ARHGAP15: variants seen among roughly 807,000 people sequenced by gnomAD.
ARHGAP15 encodes the protein rho GTPase-activating protein 15.
In ARHGAP15, 51 loss-of-function variants were observed where a neutral mutation model predicts 63.7. The ratio of observed to expected loss-of-function variants is 0.80; its 90% CI spans 0.64 to 1.01. The LOEUF (loss-of-function observed/expected upper bound fraction) is 1.01, where lower values mean the gene tolerates loss of function less well. Among genes scored for constraint, ARHGAP15 ranks in the 50% least tolerant of loss-of-function variants. ARHGAP15 has a pLI of 0.00. For missense variants in ARHGAP15, 560 were observed against 564.6 expected (o/e 0.99, Z 0.08); for synonymous variants, 191 against 193.8 (o/e 0.99, Z 0.12).
intron 2 of ARHGAP15, among the ~76,000 whole-genome samples, chr2:143,185,080 T>A (rs1311091994): frequency 6.6e-6 from 1 of 152,132 alleles, no homozygotes; most frequent in African/African-American, 2.4e-5. Flanking sequence ...TTCCTCTATA[T>A]AATATAGTGC....
At chr2:143,287,366 C>T (rs1031073626) in intron 6 of ARHGAP15, among the ~76,000 whole-genome samples, 1 of 152,028 alleles carries the variant, frequency 6.6e-6, no homozygotes, top group Non-Finnish European at 1.5e-5. Context: ...GTCTTCTGCT[C>T]GGTTTCACTG....
chr2:143,452,586 G>T (rs1422230072), intron 8 of ARHGAP15, among the ~76,000 whole-genome samples: 1 of 151,608 alleles, frequency 6.6e-6, no homozygotes, highest in Non-Finnish European at 1.5e-5. Context: ...GTATGTAAAA[G>T]ATGCATGTGT....
chr2:143,572,882 G>A (rs911599610), intron 11 of ARHGAP15, among the ~76,000 whole-genome samples: 12 of 151,934 alleles, frequency 7.9e-5, no homozygotes, highest in African/African-American at 2.9e-4. Context: ...GCCATATTGA[G>A]AACCATGCAA....
At chr2:143,466,078 G>T (rs1458363821) in intron 8 of ARHGAP15, among the ~76,000 whole-genome samples, 5 of 151,188 alleles carry the variant, frequency 3.3e-5, no homozygotes, top group African/African-American at 9.7e-5. Flanking sequence ...TTTCTTTGTA[G>T]TTTGCCTTTG....
intron 6 of ARHGAP15, among the ~76,000 whole-genome samples, chr2:143,425,379 T>C (rs1689097952): frequency 6.6e-6 from 1 of 151,972 alleles, no homozygotes; most frequent in Non-Finnish European, 1.5e-5. Flanking sequence ...TGTACACATG[T>C]ACTATATTAC....
At chr2:143,530,634 C>T (rs1694485119) in intron 10 of ARHGAP15, among the ~76,000 whole-genome samples, 1 of 151,666 alleles carries the variant, frequency 6.6e-6, no homozygotes, top group Non-Finnish European at 1.5e-5. Flanking sequence ...CCTAGGTAAT[C>T]TTTCACCATC....
At chr2:143,645,907 A>G (rs540702352) in intron 12 of ARHGAP15, among the ~76,000 whole-genome samples, 2 of 152,240 alleles carry the variant, frequency 1.3e-5, no homozygotes, top group East Asian at 3.9e-4. Flanking sequence ...TCAAGATGGC[A>G]TTATTCCCAT....
At chr2:143,280,834 TTAAA>T (rs949958354) in intron 6 of ARHGAP15, among the ~76,000 whole-genome samples, 10 of 152,100 alleles carry the variant, frequency 6.6e-5, no homozygotes, top group African/African-American at 2.4e-4. Flanking sequence ...ATTCCACCAA[TTAAA>T]TAAAGTGAAA....
At chr2:143,724,452 G>C (rs1197357766) in intron 13 of ARHGAP15, among the ~76,000 whole-genome samples, 3 of 152,194 alleles carry the variant, frequency 2.0e-5, no homozygotes, top group African/African-American at 7.2e-5. Flanking sequence ...ATAGAGAGCT[G>C]TACTACTACC....
At chr2:143,496,564 C>T (rs900020450) in intron 9 of ARHGAP15, among the ~76,000 whole-genome samples, 13 of 152,070 alleles carry the variant, frequency 8.5e-5, no homozygotes, top group African/African-American at 3.1e-4. Context: ...ATTTTTTTAA[C>T]CTACAAAATG....
At chr2:143,426,330 A>G (rs1203115635) in intron 6 of ARHGAP15, among the ~76,000 whole-genome samples, 2 of 152,096 alleles carry the variant, frequency 1.3e-5, no homozygotes, top group African/African-American at 4.8e-5. Flanking sequence ...CCCTTTTTCA[A>G]TAACTGAAAA....
At chr2:143,509,936 G>A (rs1267950558) in intron 9 of ARHGAP15, among the ~76,000 whole-genome samples, 8 of 144,728 alleles carry the variant, frequency 5.5e-5, no homozygotes, top group Non-Finnish European at 7.5e-5. Context: ...CAGGAGAATC[G>A]CTTGAACCAG....
At chr2:143,149,487 C>G (rs1467013842) in intron 1 of ARHGAP15, among the ~76,000 whole-genome samples, 1 of 151,888 alleles carries the variant, frequency 6.6e-6, no homozygotes, top group Non-Finnish European at 1.5e-5. Context: ...GAAGACTATT[C>G]TCAAAGCAAA....
intron 9 of ARHGAP15, among the ~76,000 whole-genome samples, chr2:143,512,052 T>C (rs1051932241): frequency 2.6e-5 from 4 of 152,252 alleles, no homozygotes; most frequent in African/African-American, 4.8e-5. Flanking sequence ...TGGAATTTAC[T>C]AGCTACTTAA....
intron 11 of ARHGAP15, among the ~76,000 whole-genome samples, chr2:143,579,844 C>T (rs912721431): frequency 4.0e-5 from 6 of 151,594 alleles, no homozygotes; most frequent in Non-Finnish European, 5.9e-5. Context: ...TTTTTTTCTC[C>T]ATTACCAGCA....
At chr2:143,278,665 T>C (rs1681688395) in intron 6 of ARHGAP15, among the ~76,000 whole-genome samples, 1 of 152,144 alleles carries the variant, frequency 6.6e-6, no homozygotes, top group African/African-American at 2.4e-5. Flanking sequence ...TCTATTCTGG[T>C]ACAATGCATA....
chr2:143,690,715 A>C (rs1683556644), intron 12 of ARHGAP15, among the ~76,000 whole-genome samples: 1 of 152,166 alleles, frequency 6.6e-6, no homozygotes, highest in Non-Finnish European at 1.5e-5. Context: ...ATAGAAAAAA[A>C]AGTTTCTCTT....
chr2:143,434,801 C>T (rs1012097874), intron 6 of ARHGAP15, among the ~76,000 whole-genome samples: 2 of 152,056 alleles, frequency 1.3e-5, no homozygotes, highest in East Asian at 1.9e-4. Context: ...CTCTAAGTTG[C>T]CCGTTATGTG....
intron 13 of ARHGAP15, among the ~76,000 whole-genome samples, chr2:143,755,391 T>TG (rs748005848): frequency 2.3e-4 from 35 of 152,274 alleles, no homozygotes; most frequent in Admixed American, 3.3e-4. Context: ...TACATGTAAA[T>TG]GCATTACTGT....
Sources: gnomAD v4.1 joint callset for allele counts (sites outside exome capture counted in the v4.1 genomes callset) on GRCh38, gnomAD v4.1.1 for gene constraint, MANE v1.5 for transcripts, NCBI Gene and HGNC (gene_info 2026-07-23, HGNC 2026-07-21) for gene names.